Variants in WWOX observed in about 807,000 individuals in gnomAD.
The protein encoded by WWOX is WW domain containing oxidoreductase, also known as WW domain-containing oxidoreductase.
A neutral mutation model predicts 46.2 loss-of-function variants in WWOX; 69 were observed. The observed-to-expected ratio is 1.49, with a 90% CI of 1.23 to 1.82. WWOX has a LOEUF of 1.82. WWOX is among the 40% of genes most tolerant of loss of function. WWOX has a pLI of 0.00. For synonymous variants in WWOX, 359 were observed against 202.6 expected (o/e 1.77, Z -6.56); for missense variants, 919 against 542.6 (o/e 1.69, Z -6.89).
chr16:78,144,907 A>T (rs529164922), intron 4 of WWOX, among the ~76,000 whole-genome samples: 1 of 152,294 alleles, frequency 6.6e-6, no homozygotes, highest in Admixed American at 6.5e-5. Flanking sequence ...GCTTGCCAAG[A>T]GCTCTGCAGT....
chr16:78,434,897 G>C (rs1479082447), intron 8 of WWOX, among the ~76,000 whole-genome samples: 1 of 152,128 alleles, frequency 6.6e-6, no homozygotes, highest in Non-Finnish European at 1.5e-5. Context: ...CAGGGCATGT[G>C]GGAAAAGAAG....
intron 5 of WWOX, chr16:78,355,589 A>C (rs1376995998): frequency 2.0e-6 from 1 of 505,018 alleles, no homozygotes; most frequent in Non-Finnish European, 3.9e-6. Flanking sequence ...CCTGGATCTT[A>C]GGCTCAGCCC....
intron 8 of WWOX, among the ~76,000 whole-genome samples, chr16:79,104,934 A>G (rs1221942727): frequency 6.6e-6 from 1 of 152,184 alleles, no homozygotes; most frequent in African/African-American, 2.4e-5. Flanking sequence ...CTCAGGAGCA[A>G]AGCAGGTCGT....
At chr16:78,667,340 T>C (rs1298737661) in intron 8 of WWOX, among the ~76,000 whole-genome samples, 1 of 152,238 alleles carries the variant, frequency 6.6e-6, no homozygotes, top group Non-Finnish European at 1.5e-5. Context: ...TATCTCAATA[T>C]ATATCTACTT....
At chr16:78,504,828 G>T (rs2085153187) in intron 8 of WWOX, among the ~76,000 whole-genome samples, 1 of 152,054 alleles carries the variant, frequency 6.6e-6, no homozygotes, top group South Asian at 2.1e-4. Flanking sequence ...CTCTGTGGTA[G>T]GCAACAGCTG....
intron 8 of WWOX, among the ~76,000 whole-genome samples, chr16:78,722,369 C>G (rs937580832): frequency 2.6e-5 from 4 of 152,154 alleles, no homozygotes; most frequent in Non-Finnish European, 5.9e-5. Context: ...CAGTATCTAA[C>G]TCATGGGTGT....
chr16:78,857,905 A>C (rs2052603762), intron 8 of WWOX, among the ~76,000 whole-genome samples: 1 of 152,222 alleles, frequency 6.6e-6, no homozygotes, highest in Non-Finnish European at 1.5e-5. Flanking sequence ...TCTGTACCAG[A>C]AAATACAGAA....
chr16:78,626,056 C>G (rs189034657), intron 8 of WWOX, among the ~76,000 whole-genome samples: 3 of 151,764 alleles, frequency 2.0e-5, no homozygotes, highest in Non-Finnish European at 2.9e-5. Flanking sequence ...ATCATATTGC[C>G]TTAGGTTTTT....
chr16:79,062,433 G>C (rs13330275), intron 8 of WWOX, among the ~76,000 whole-genome samples: 9,572 of 152,132 alleles, frequency 0.063, 544 homozygotes, highest in African/African-American at 0.16. Flanking sequence ...AGGGAACCAA[G>C]GCCTTTCAAA....
chr16:79,022,264 T>C (rs1054559078), intron 8 of WWOX, among the ~76,000 whole-genome samples: 1 of 150,082 alleles, frequency 6.7e-6, no homozygotes, highest in African/African-American at 2.5e-5. Flanking sequence ...TTGGGGCACA[T>C]TGGCAGCTGC....
intron 8 of WWOX, among the ~76,000 whole-genome samples, chr16:79,011,907 G>A (rs762483604): frequency 2.0e-5 from 3 of 152,170 alleles, no homozygotes; most frequent in Non-Finnish European, 4.4e-5. Context: ...TCCCGCCTCA[G>A]CCTCCTGAGT....
chr16:79,186,748 T>C (rs2051023716), intron 8 of WWOX, among the ~76,000 whole-genome samples: 1 of 152,054 alleles, frequency 6.6e-6, no homozygotes, highest in Non-Finnish European at 1.5e-5. Context: ...CTTGGGACAT[T>C]AGTCTGGGAA....
Position 78,729,617 on chromosome 16 carries a change from C to T in WWOX, c.1056+296865C>T, listed in dbSNP as rs185108282. Among the ~76,000 whole-genome samples the T allele has an allele frequency of 5.9e-5, 9 of 152,214 alleles. No homozygotes were observed. The East Asian group carries it at 1.6e-3, about 26-fold the overall frequency. Reference sequence around the variant, plus strand: ...TACTGGAAGATCTCTTCCAGGGCCTCTGGAGGAAGCACAGTCCTGCTAACT... The same window carrying T: ...TACTGGAAGATCTCTTCCAGGGCCTTTGGAGGAAGCACAGTCCTGCTAACT... On this transcript the variant is annotated intron_variant, in intron 8 of 8. Coordinates refer to ENST00000566780, the MANE Select transcript of WWOX (RefSeq NM_016373.4).
chr16:79,011,479 AT>A (rs386385185), intron 8 of WWOX, among the ~76,000 whole-genome samples: 29 of 145,104 alleles, frequency 2.0e-4, no homozygotes, highest in Non-Finnish European at 4.2e-4. Context: ...TTATTTATTT[AT>A]TTATTTATTT....
At chr16:79,190,975 T>A (rs1482036285) in intron 8 of WWOX, among the ~76,000 whole-genome samples, 1 of 152,216 alleles carries the variant, frequency 6.6e-6, no homozygotes, top group Non-Finnish European at 1.5e-5. Context: ...TCAAATAAAA[T>A]CATGTATCAA....
chr16:78,654,188 C>G (rs373122053), intron 8 of WWOX, among the ~76,000 whole-genome samples: 4 of 152,252 alleles, frequency 2.6e-5, no homozygotes, highest in East Asian at 3.9e-4. Flanking sequence ...GCCTTCGGCT[C>G]TTCACCTGGG....
chr16:78,587,438 A>G (rs886412987), intron 8 of WWOX, among the ~76,000 whole-genome samples: 5 of 152,130 alleles, frequency 3.3e-5, no homozygotes, highest in Admixed American at 2.0e-4. Context: ...CAACTCTCTT[A>G]CAGATTTTTA....
At chr16:78,636,545 A>T (rs1184111669) in intron 8 of WWOX, among the ~76,000 whole-genome samples, 1 of 152,050 alleles carries the variant, frequency 6.6e-6, no homozygotes, top group East Asian at 1.9e-4. Context: ...TGCCCTCCCC[A>T]TCCGCCATTC....
chr16:78,347,974 A>T lies in WWOX; in HGVS notation c.517-38886A>T, dbSNP rs1186901607. On this transcript the variant is annotated intron_variant, in intron 5 of 8. Coordinates refer to ENST00000566780, the MANE Select transcript of WWOX (RefSeq NM_016373.4). ...GCTCGCCTGAAAGGCCAAGAGTAAG[A>T]TTCTTTTAAAATCATGCCCAAGTTT... 2.4e-5 allele frequency among the ~76,000 whole-genome samples: 3 copies of T among 122,914 alleles called. 1 individual carries two copies. Among genetic ancestry groups the T allele is most frequent in the African/African-American group, 8.2e-5 (3 of 36,388 alleles). 80.6% of individuals were successfully genotyped at this position (122,914 alleles called of 152,430 possible). A position where few individuals can be genotyped will look rare whatever the true frequency, so the allele number is the denominator to read the frequency against.
Sources: allele counts gnomAD v4.1 joint callset (sites outside exome capture counted in the v4.1 genomes callset), GRCh38; gene constraint gnomAD v4.1.1; transcripts MANE v1.5; gene names NCBI Gene and HGNC (gene_info 2026-07-23, HGNC 2026-07-21).